SOX6: variants seen among roughly 807,000 people sequenced by gnomAD.
SOX6 encodes the protein transcription factor SOX-6.
Under a neutral mutation model 97.8 loss-of-function variants are expected in SOX6, and 11 were observed. The ratio of observed to expected loss-of-function variants is 0.11; its 90% CI spans 0.07 to 0.19. The LOEUF is 0.19. Among genes scored for constraint, SOX6 ranks in the 10% least tolerant of loss-of-function variants. SOX6 has a pLI of 1.00. For missense variants in SOX6, 810 were observed against 1,039.5 expected (o/e 0.78, Z 3.04); for synonymous variants, 360 against 371.4 (o/e 0.97, Z 0.35).
chr11:16,515,343 T>C (rs1371633178), intron 4 of SOX6, among the ~76,000 whole-genome samples: 1 of 150,388 alleles, frequency 6.6e-6, no homozygotes, highest in African/African-American at 2.4e-5. Context: ...CATAAATGTC[T>C]TCTTTTGAGA....
At chr11:16,556,854 C>A (rs1439204177) in intron 4 of SOX6, among the ~76,000 whole-genome samples, 1 of 151,660 alleles carries the variant, frequency 6.6e-6, no homozygotes, top group Non-Finnish European at 1.5e-5. Flanking sequence ...ATTTATAGCC[C>A]AATTCATAGG....
chr11:16,430,520 A>G (rs577549137), intron 1 of SOX6, among the ~76,000 whole-genome samples: 81 of 152,246 alleles, frequency 5.3e-4, no homozygotes, highest in African/African-American at 1.9e-3. Context: ...ATGGAGGCAG[A>G]GCCCTCTTGA....
intron 6 of SOX6, among the ~76,000 whole-genome samples, chr11:16,132,489 A>C (rs149583976): frequency 0.02 from 2,585 of 131,590 alleles, 236 homozygotes; most frequent in African/African-American, 0.038. Flanking sequence ...AGAAAGAAAG[A>C]AAGAAAGAAA....
At chr11:16,049,606 C>T in intron 11 of SOX6, 149 bp downstream of exon 11, 4 of 907,206 alleles carry the variant, frequency 4.4e-6, no homozygotes, top group Non-Finnish European at 6.8e-6. Context: ...AAAGAAGATA[C>T]TAAATTGGGT....
chr11:16,517,094 T>C (rs1860986709), intron 4 of SOX6, among the ~76,000 whole-genome samples: 1 of 150,838 alleles, frequency 6.6e-6, no homozygotes, highest in Non-Finnish European at 1.5e-5. Context: ...ATTATCTCAA[T>C]AGATGCAGAA....
intron 4 of SOX6, among the ~76,000 whole-genome samples, chr11:16,554,440 C>G (rs528203254): frequency 1.1e-4 from 16 of 152,072 alleles, no homozygotes; most frequent in Non-Finnish European, 2.4e-4. Context: ...CTACTATATT[C>G]CCACCATGTG....
intron 4 of SOX6, among the ~76,000 whole-genome samples, chr11:16,227,348 C>T (rs12800049): frequency 0.21 from 31,356 of 152,110 alleles, 3,926 homozygotes; most frequent in Admixed American, 0.32. Flanking sequence ...TTAAAATTTT[C>T]CAGAACCCAA....
intron 1 of SOX6, among the ~76,000 whole-genome samples, chr11:16,426,023 G>A (rs768137817): frequency 5.3e-5 from 8 of 151,662 alleles, no homozygotes; most frequent in Admixed American, 1.3e-4. Context: ...TTGGGAGGCC[G>A]AGATGGGTGG....
intron 4 of SOX6, among the ~76,000 whole-genome samples, chr11:16,587,268 A>G (rs947999106): frequency 2.6e-5 from 4 of 152,346 alleles, no homozygotes; most frequent in Middle Eastern, 6.8e-3. Flanking sequence ...TTTAATGGCT[A>G]TGTAAACCTG....
chr11:16,228,790 T>TA (rs1381634456), intron 4 of SOX6, among the ~76,000 whole-genome samples: 1 of 151,972 alleles, frequency 6.6e-6, no homozygotes, highest in Non-Finnish European at 1.5e-5. Context: ...ATATAGACAA[T>TA]AAAAAAAGAA....
At chr11:16,569,015 T>G (rs1339847687) in intron 4 of SOX6, among the ~76,000 whole-genome samples, 1 of 152,164 alleles carries the variant, frequency 6.6e-6, no homozygotes, top group Non-Finnish European at 1.5e-5. Context: ...AAAAACAAAT[T>G]AATAAATGCA....
At chr11:16,476,812 T>C (rs1421682411), upstream of SOX6, among the ~76,000 whole-genome samples, 2 of 152,174 alleles carry the variant, frequency 1.3e-5, no homozygotes, top group Admixed American at 6.5e-5. Context: ...GTAGAATTAA[T>C]AAGAAAGAAT....
intron 9 of SOX6, among the ~76,000 whole-genome samples, chr11:16,084,118 G>A (rs966444556): frequency 2.6e-5 from 4 of 152,054 alleles, no homozygotes; most frequent in Non-Finnish European, 5.9e-5. Context: ...TTGAAACCAG[G>A]AACAGTCATC....
intron 2 of SOX6, among the ~76,000 whole-genome samples, chr11:16,338,605 G>A (rs1302532419): frequency 3.3e-5 from 5 of 151,928 alleles, no homozygotes; most frequent in Non-Finnish European, 7.4e-5. Context: ...ACACAGCTGG[G>A]AAATACTATA....
intron 2 of SOX6, among the ~76,000 whole-genome samples, chr11:16,337,563 A>G (rs929524667): frequency 1.3e-5 from 2 of 152,168 alleles, no homozygotes; most frequent in African/African-American, 4.8e-5. Flanking sequence ...CAGTGTCAAC[A>G]TTCCTCTGCA....
chr11:16,639,429 T>A (rs912013996), intron 3 of SOX6, among the ~76,000 whole-genome samples: 3 of 152,190 alleles, frequency 2.0e-5, no homozygotes, highest in African/African-American at 7.2e-5. Context: ...AACTTTAAAG[T>A]AGTTTTTTCC....
chr11:16,409,682 C>T (rs1858758563), intron 1 of SOX6, among the ~76,000 whole-genome samples: 1 of 151,692 alleles, frequency 6.6e-6, no homozygotes, highest in Admixed American at 6.6e-5. Flanking sequence ...CCAATAATAC[C>T]ATATTCACAG....
chr11:16,114,085 A>G (rs1306657183), intron 6 of SOX6, among the ~76,000 whole-genome samples: 1 of 152,190 alleles, frequency 6.6e-6, no homozygotes, highest in Non-Finnish European at 1.5e-5. Context: ...CATATGTTAG[A>G]GATGTTTAAA....
intron 6 of SOX6, among the ~76,000 whole-genome samples, chr11:16,177,222 A>G (rs1291244437): frequency 1.3e-5 from 2 of 151,910 alleles, no homozygotes; most frequent in African/African-American, 2.4e-5. Context: ...TTCAACATGG[A>G]TAGCTACCTA....
Sources: gnomAD v4.1 joint callset for allele counts (sites outside exome capture counted in the v4.1 genomes callset) on GRCh38, gnomAD v4.1.1 for gene constraint, MANE v1.5 for transcripts, NCBI Gene and HGNC (gene_info 2026-07-23, HGNC 2026-07-21) for gene names.